Variants in EP400 observed in about 807,000 individuals in gnomAD.
The protein encoded by EP400 is E1A-binding protein p400.
A neutral mutation model predicts 354.1 loss-of-function variants in EP400; 105 were observed. The ratio of observed to expected loss-of-function variants is 0.30; its 90% CI spans 0.25 to 0.35. The LOEUF (loss-of-function observed/expected upper bound fraction) is 0.35. EP400 is among the 10% of genes least tolerant of loss of function. The pLI is 1.00. For missense variants in EP400, 3,280 were observed against 4,121.0 expected, an observed-to-expected ratio of 0.80 and a Z score of 5.59; for synonymous variants, 1,646 against 1,716.9, an observed-to-expected ratio of 0.96 and a Z score of 1.02.
At chr12:131,963,189 G>A (rs1157227672) in intron 2 of EP400, among the ~76,000 whole-genome samples, 1 of 152,174 alleles carries the variant, frequency 6.6e-6, no homozygotes, top group Non-Finnish European at 1.5e-5. Context: ...TTGCCATTCT[G>A]ACCCTACATA....
rs1895432096 is a variant in EP400, at chr12:132,054,926, G to C, written c.7729-48G>C. 3 of 1,586,710 alleles carry C rather than the reference G, an allele frequency of 1.9e-6. No homozygotes were observed. Among genetic ancestry groups the C allele is most frequent in the Admixed American group, 1.7e-5 (1 of 59,642 alleles). ...TGGAAGCCTTTGGAGGATTTATGCA[G>C]GGGAGAGCCTGACGTGAAATTCAAA... is the stretch of plus-strand genomic sequence containing the variant. On this transcript the variant is annotated intron_variant, in intron 43 of 52. Coordinates refer to ENST00000389561, the MANE Select transcript of EP400 (RefSeq NM_015409.5). This position sits in a 1 kb window ranked among gnomAD's most constrained non-coding sequence, Gnocchi z 4.0.
Position 132,055,147 on chromosome 12 carries a change from C to G in EP400, c.7823C>G (p.Ala2608Gly). The G allele has an allele frequency of 6.2e-7, 1 of 1,606,552 alleles. No individual in the cohort carries two copies. The highest frequency in any genetic ancestry group is 1.1e-5 in the South Asian group (1 of 90,346). The change falls in exon 45 of 53, where the codon GCT (alanine) becomes GGT (glycine). Residue 2608 changes from alanine to glycine, a missense_variant. Coordinates refer to ENST00000389561, the MANE Select transcript of EP400 (RefSeq NM_015409.5). Reference protein sequence around the residue: ...VIVNTIAGVPAATFQSINKRL... With the variant: ...VIVNTIAGVPGATFQSINKRL... Reference sequence around the variant, plus strand: ...GTGAACACCATCGCAGGGGTCCCAGCTGCCACCTTCCAGTCCATCAACAAG... The same window carrying G: ...GTGAACACCATCGCAGGGGTCCCAGGTGCCACCTTCCAGTCCATCAACAAG...
chr12:132,034,531 C>T (rs567955567), intron 30 of EP400, among the ~76,000 whole-genome samples: 7 of 152,306 alleles, frequency 4.6e-5, no homozygotes, highest in African/African-American at 1.7e-4. Flanking sequence ...TGATGAAGGC[C>T]GCCATCATGA....
chr12:132,056,670 T>G, intron 45 of EP400, among the ~76,000 whole-genome samples: 1 of 152,246 alleles, frequency 6.6e-6, no homozygotes, highest in East Asian at 1.9e-4. Flanking sequence ...GGAGAAAATC[T>G]GTGCTACTTT....
chr12:132,019,915 G>A (rs1368081354), intron 21 of EP400, 134 bp from the exon 22 acceptor site: 2 of 974,706 alleles, frequency 2.1e-6, no homozygotes, highest in Admixed American at 7.1e-5. Context: ...CCTTCCCTCT[G>A]TAAACTGCAC....
At chr12:131,989,868 A>G (rs1892973072) in intron 7 of EP400, 96 bp from the exon 8 acceptor site, 15 of 1,423,634 alleles carry the variant, frequency 1.1e-5, no homozygotes, top group Non-Finnish European at 1.4e-5. Flanking sequence ...ATTGTATGTA[A>G]TTTTAGTCTG....
Position 131,994,521 on chromosome 12 carries a change from A to G in EP400, c.2738-346A>G, listed in dbSNP as rs1247240111. Among the ~76,000 whole-genome samples, 1 of 151,918 alleles carries G rather than the reference A, an allele frequency of 6.6e-6. No homozygotes were observed. The highest frequency in any genetic ancestry group is 1.5e-5 in the Non-Finnish European group (1 of 67,972). On this transcript the variant is annotated intron_variant, in intron 11 of 52. Transcript: ENST00000389561. The surrounding 1 kb of genome is among the most constrained non-coding windows in gnomAD (Gnocchi z 4.6). ...GGCTGATGTGGCTGGGCCTCGTGAG[A>G]TGGGCGATGATGACTTCACGGTGAT...
rs1237785796 is a variant in EP400, at chr12:132,032,038, T to G, written c.5840T>G (p.Val1947Gly). 6.2e-7 allele frequency: 1 copy of G among 1,614,194 alleles called. No individual in the cohort carries two copies. The highest frequency in any genetic ancestry group is 2.2e-5 in the East Asian group (1 of 44,882). ...AGCCGTACCACAGGTATAAACCTTG[T>G]AGAGGCGGACACCGTCGTGTTTTAT... ...THSRTTGINLVEADTVVFYDN... is the reference protein window; with the variant it reads ...THSRTTGINLGEADTVVFYDN... The change falls in exon 30 of 53, where the codon GTA becomes GGA. Residue 1947 changes from valine to glycine, a missense_variant. Physicochemically the swap from Val to Gly is moderately radical, Grantham distance 109 (BLOSUM62 -3). Around this residue, in one of 20 missense-constraint regions of EP400, gnomAD observed 459 missense variants for 496.9 expected, o/e 0.92. Transcript: ENST00000389561.
chr12:132,041,176 C>T (rs1328957744), intron 32 of EP400, among the ~76,000 whole-genome samples: 3 of 152,226 alleles, frequency 2.0e-5, no homozygotes, highest in Non-Finnish European at 4.4e-5. Context: ...GTACCTGCCG[C>T]ATGGGACTGT....
At chr12:131,988,136 T>A (rs1892918968) in intron 7 of EP400, among the ~76,000 whole-genome samples, 1 of 151,680 alleles carries the variant, frequency 6.6e-6, no homozygotes, top group Non-Finnish European at 1.5e-5. Context: ...CCTCCTGGAG[T>A]GCTGGGATTG....
In EP400 at chr12:132,067,366, G is replaced by C. The variant is rs765558170; in HGVS notation, c.8754G>C (p.Gln2918His). The C allele has an allele frequency of 5.6e-6, 9 of 1,613,322 alleles. No individual in the cohort carries two copies. In the East Asian group the frequency reaches 2.0e-4, roughly 36 times the overall value. The change falls in exon 50 of 53, where the codon CAG (glutamine) becomes CAC (histidine). Residue 2918 changes from glutamine (Q) to histidine (H), a missense_variant. Gln to His is a conservative substitution (Grantham distance 24). Transcript: ENST00000389561. The surrounding 1 kb of genome is among the most constrained non-coding windows in gnomAD (Gnocchi z 5.3). ...AGGGGCTTTTGCTGCCTGCAGGACA[G>C]ACCGTGGTGGCCCAGCCCGTGCACA... ...AIGQPQKAAG[Q>H]TVVAQPVHMQ...
intron 1 of EP400, among the ~76,000 whole-genome samples, chr12:131,955,787 G>A (rs1370296600): frequency 6.6e-6 from 1 of 152,060 alleles, no homozygotes; most frequent in Non-Finnish European, 1.5e-5. Flanking sequence ...TGTGATTACA[G>A]GAACATGCAA....
chr12:132,071,098 A>G (rs978969725), intron 51 of EP400, among the ~76,000 whole-genome samples: 20 of 152,134 alleles, frequency 1.3e-4, no homozygotes, highest in African/African-American at 4.8e-4. Flanking sequence ...TCCGTATTTC[A>G]CTGTGAAGTA....
At position 132,028,226 on chromosome 12, in the gene EP400, T is replaced by C. The variant is rs781094259; in HGVS notation, c.5319T>C (p.Ser1773=). 1 of 1,614,148 alleles carries C rather than the reference T, an allele frequency of 6.2e-7. No homozygotes were observed. The highest frequency in any genetic ancestry group is 8.5e-7 in the Non-Finnish European group (1 of 1,180,012). Residue 1773 remains serine (S), a synonymous_variant, in exon 27 of 53, where the codon AGT becomes AGC. Coordinates refer to ENST00000389561, the MANE Select transcript of EP400 (RefSeq NM_015409.5). ...ACAGTTACACTTCATCCTCAGAAAG[T>C]CCAAGTGAGCTGATGTTGACGCTTT... is the stretch of plus-strand genomic sequence containing the variant. ...PAHSYTSSSE[S]PSELMLTLCR... is the part of the protein sequence containing the mutation.
chr12:131,986,057 C>T (rs1275056231), intron 5 of EP400, among the ~76,000 whole-genome samples: 1 of 152,206 alleles, frequency 6.6e-6, no homozygotes, highest in Non-Finnish European at 1.5e-5. Flanking sequence ...TCACTGCAGT[C>T]TCAACCTCCC....
At chr12:131,993,899 T>C (rs891302177) in intron 11 of EP400, among the ~76,000 whole-genome samples, 1 of 152,258 alleles carries the variant, frequency 6.6e-6, no homozygotes, top group African/African-American at 2.4e-5. Context: ...CAGACTTTTA[T>C]TTGACTTCTG....
chr12:132,005,362 T>G (rs1448211086), intron 13 of EP400, among the ~76,000 whole-genome samples, 178 bp downstream of exon 13: 1 of 152,256 alleles, frequency 6.6e-6, no homozygotes, highest in Non-Finnish European at 1.5e-5. Flanking sequence ...TTTAATTTAT[T>G]AACCTGGCAC....
intron 12 of EP400, among the ~76,000 whole-genome samples, chr12:131,999,401 G>C (rs1180845773): frequency 2.6e-5 from 4 of 152,100 alleles, no homozygotes; most frequent in Admixed American, 1.3e-4. Context: ...AGTGAAGTTT[G>C]TATCTATTCT....
chr12:131,982,165 C>G lies in EP400; in HGVS notation c.1616C>G (p.Ser539Cys). 1 of 1,607,416 alleles carries G rather than the reference C, an allele frequency of 6.2e-7. No homozygotes were observed. The highest frequency in any genetic ancestry group is 8.5e-7 in the Non-Finnish European group (1 of 1,175,514). Residue 539 changes from serine to cysteine, a missense_variant, in exon 5 of 53, where the codon TCC becomes TGC. Transcript: ENST00000389561. ...QRQSQQQYDP[S>C]TGPPVQNAAS... ...CAGAGTCAGCAGCAGTATGACCCCT[C>G]CACGGGGCCTCCCGTGCAGAACGCT...
Sources: gnomAD v4.1 joint callset for allele counts (sites outside exome capture counted in the v4.1 genomes callset) on GRCh38, gnomAD v4.1.1 for gene constraint, gnomAD v4.1.1 regional missense constraint, Gnocchi (gnomAD v3.1) non-coding constraint, MANE v1.5 for transcripts, NCBI Gene and HGNC (gene_info 2026-07-23, HGNC 2026-07-21) for gene names.